The following METTL15 variants were observed in gnomAD, a reference collection of about 807,000 sequenced individuals.
The protein encoded by METTL15 is 12S rRNA N(4)-cytidine methyltransferase METTL15.
Under a neutral mutation model 38.3 loss-of-function variants are expected in METTL15, and 34 were observed. The observed-to-expected ratio is 0.89, with a 90% CI of 0.68 to 1.18. METTL15 has a LOEUF of 1.18. METTL15 is among the 50% of genes most tolerant of loss of function. The probability of loss-of-function intolerance (pLI) is 0.00; values close to 1 mark genes in which losing one functional copy is unlikely to be tolerated. For synonymous variants in METTL15, 162 were observed against 170.9 expected (o/e 0.95, Z 0.41); for missense variants, 438 against 498.4 (o/e 0.88, Z 1.15).
At chr11:28,322,819 C>T (rs1455630678) in intron 6 of METTL15, among the ~76,000 whole-genome samples, 1 of 152,154 alleles carries the variant, frequency 6.6e-6, no homozygotes, top group African/African-American at 2.4e-5. Context: ...CCTAAATGTT[C>T]CTGCTGCGGT....
intron 3 of METTL15, among the ~76,000 whole-genome samples, chr11:28,142,092 T>G (rs1849718332): frequency 6.6e-6 from 1 of 152,146 alleles, no homozygotes; most frequent in Non-Finnish European, 1.5e-5. Flanking sequence ...AGCAGGACAC[T>G]TTTGAGAAAC....
chr11:28,371,082 G>C (rs1850238840), intron 5 of METTL15, among the ~76,000 whole-genome samples: 1 of 151,854 alleles, frequency 6.6e-6, no homozygotes, highest in South Asian at 2.1e-4. Flanking sequence ...TTTTGATTTA[G>C]CTGCCTGTGC....
At chr11:28,140,046 A>T (rs776351809) in intron 3 of METTL15, among the ~76,000 whole-genome samples, 10 of 152,164 alleles carry the variant, frequency 6.6e-5, no homozygotes, top group Admixed American at 2.0e-4. Flanking sequence ...GCATGTGCAG[A>T]CATGTCCATA....
chr11:28,360,450 A>G (rs1191956768), intron 4 of METTL15, among the ~76,000 whole-genome samples: 2 of 152,214 alleles, frequency 1.3e-5, no homozygotes, highest in African/African-American at 4.8e-5. Flanking sequence ...TAACCATACA[A>G]TGTAAACCAA....
At chr11:28,179,369 C>G (rs1271805172) in intron 3 of METTL15, among the ~76,000 whole-genome samples, 1 of 151,640 alleles carries the variant, frequency 6.6e-6, no homozygotes, top group African/African-American at 2.4e-5. Context: ...TTTAAGTGTA[C>G]CATTCTATGA....
At chr11:28,512,690 C>T (rs1334422671) in intron 6 of METTL15, among the ~76,000 whole-genome samples, 1 of 152,148 alleles carries the variant, frequency 6.6e-6, no homozygotes, top group African/African-American at 2.4e-5. Flanking sequence ...CCACGCACAG[C>T]CCCGGTTCCC....
intron 3 of METTL15, among the ~76,000 whole-genome samples, chr11:28,202,492 C>T (rs1366284441): frequency 6.6e-6 from 1 of 151,684 alleles, no homozygotes; most frequent in Non-Finnish European, 1.5e-5. Context: ...TGTCTAAAGT[C>T]CCTCACAAGA....
intron 3 of METTL15, among the ~76,000 whole-genome samples, chr11:28,348,094 A>G (rs1001987726): frequency 1.3e-5 from 2 of 152,108 alleles, no homozygotes; most frequent in Non-Finnish European, 2.9e-5. Context: ...GTTTGTTTCA[A>G]TCACTTGATT....
chr11:28,213,830 T>C (rs977216570), intron 4 of METTL15, among the ~76,000 whole-genome samples: 10 of 151,438 alleles, frequency 6.6e-5, no homozygotes, highest in African/African-American at 2.4e-4. Context: ...TAATTTTTTG[T>C]ATTTTTAGTA....
rs763961459 is a variant in METTL15 at position 28,346,383 on chromosome 11, G to A, written c.*190-5707G>A. 3.3e-5 allele frequency among the ~76,000 whole-genome samples: 5 copies of A among 152,188 alleles called. No individual in the cohort carries two copies. In the South Asian group the frequency reaches 8.3e-4, roughly 25 times the overall value. On this transcript the variant is annotated intron_variant and NMD_transcript_variant, in intron 3 of 7. Coordinates refer to the METTL15 transcript ENST00000532947. Reference sequence around the variant, plus strand: ...TAAAATGTGGCTACAATATTACAGTGTTAATTGCATTACTCACCAAAAATG... The same window carrying A: ...TAAAATGTGGCTACAATATTACAGTATTAATTGCATTACTCACCAAAAATG...
chr11:28,287,542 G>A, intron 4 of METTL15: 1 of 322,070 alleles, frequency 3.1e-6, no homozygotes, highest in Non-Finnish European at 5.9e-6. Flanking sequence ...TTCGGAGCTC[G>A]GCCTAATAAG....
At chr11:28,425,615 T>A (rs1386868785) in intron 6 of METTL15, among the ~76,000 whole-genome samples, 2 of 152,174 alleles carry the variant, frequency 1.3e-5, no homozygotes, top group African/African-American at 4.8e-5. Context: ...CTTCAGGGAA[T>A]ATTTGGTTCC....
At chr11:28,438,761 G>A (rs753585249) in intron 6 of METTL15, among the ~76,000 whole-genome samples, 120 of 138,594 alleles carry the variant, frequency 8.7e-4, no homozygotes, top group African/African-American at 1.9e-3. Context: ...TGCAACCTCC[G>A]CCTCCCAGGT....
Position 28,499,139 on chromosome 11 carries a change from G to C in METTL15, c.*425-27339G>C, listed in dbSNP as rs761902418. Among the ~76,000 whole-genome samples, 7 of 152,184 alleles carry C rather than the reference G, an allele frequency of 4.6e-5. No homozygotes were observed. In the South Asian group the frequency reaches 1.2e-3, roughly 27 times the overall value. ...CTTTCTACCTTGCCTCAGATTCAGG[G>C]GTCTACCTCAGGGGTCTGCTGGTCT... On this transcript the variant is annotated intron_variant and NMD_transcript_variant, in intron 6 of 7. Transcript: ENST00000532947.
chr11:28,428,969 C>T (rs943011113), intron 6 of METTL15, among the ~76,000 whole-genome samples: 3 of 152,148 alleles, frequency 2.0e-5, no homozygotes, highest in African/African-American at 7.2e-5. Flanking sequence ...TTACCTTTAT[C>T]TGGAAGGCTC....
intron 5 of METTL15, among the ~76,000 whole-genome samples, chr11:28,417,797 G>C (rs992985404): frequency 6.6e-6 from 1 of 152,204 alleles, no homozygotes; most frequent in Non-Finnish European, 1.5e-5. Flanking sequence ...CCAATGTACA[G>C]TCAAATGTCA....
intron 4 of METTL15, among the ~76,000 whole-genome samples, chr11:28,353,110 T>C (rs1027083457): frequency 5.3e-5 from 8 of 152,104 alleles, no homozygotes; most frequent in African/African-American, 1.9e-4. Flanking sequence ...GCCCATATTC[T>C]GGGGCTCCAG....
intron 6 of METTL15, among the ~76,000 whole-genome samples, chr11:28,481,121 G>A (rs76327758): frequency 0.044 from 6,620 of 152,182 alleles, 178 homozygotes; most frequent in Non-Finnish European, 0.063. Flanking sequence ...GTAGTTCTGG[G>A]GAGGAAGTAT....
At chr11:28,345,768 A>G (rs1849990927) in intron 3 of METTL15, among the ~76,000 whole-genome samples, 1 of 152,068 alleles carries the variant, frequency 6.6e-6, no homozygotes, top group Non-Finnish European at 1.5e-5. Context: ...AATCAAGCAA[A>G]CTCATAGCAA....
Sources: gnomAD v4.1 joint callset for allele counts (sites outside exome capture counted in the v4.1 genomes callset) on GRCh38, gnomAD v4.1.1 for gene constraint, MANE v1.5 for transcripts, NCBI Gene and HGNC (gene_info 2026-07-23, HGNC 2026-07-21) for gene names.